ENTHD1: variants seen among roughly 807,000 people sequenced by gnomAD.
The protein encoded by ENTHD1 is ENTH domain-containing protein 1.
ENTHD1 carries 23 observed loss-of-function variants against 39.1 expected under a neutral mutation model. The observed-to-expected ratio is 0.59, with a 90% confidence interval of 0.42 to 0.83. The LOEUF is 0.83. Among genes scored for constraint, ENTHD1 ranks in the 40% least tolerant of loss-of-function variants. The pLI is 0.00. For missense variants in ENTHD1, 624 were observed against 705.4 expected, an observed-to-expected ratio of 0.88 and a Z score of 1.31; for synonymous variants, 230 against 258.2, an observed-to-expected ratio of 0.89 and a Z score of 1.05.
At position 39,779,728 on chromosome 22, in the gene ENTHD1, A is replaced by G. The variant is rs574402219; in HGVS notation, c.833-14119T>C. Among the ~76,000 whole-genome samples, 19 of 152,346 alleles carry G rather than the reference A, an allele frequency of 1.2e-4. No individual in the cohort carries two copies. The South Asian group carries it at 3.7e-3, about 30-fold the overall frequency. On this transcript the variant is annotated intron_variant, in intron 5 of 6. Transcript: ENST00000325157. ...ATAATAGCTATTGCCATCTGCTAAG[A>G]GATGGGTAATATAAAATATGTAAAT...
chr22:39,886,971 T>A (rs1036597969), intron 2 of ENTHD1, among the ~76,000 whole-genome samples: 2 of 152,318 alleles, frequency 1.3e-5, no homozygotes, highest in Non-Finnish European at 2.9e-5. Flanking sequence ...CTTTTTTCAT[T>A]TTCTATGAGG....
chr22:39,858,632 A>G (rs754657657), intron 3 of ENTHD1, among the ~76,000 whole-genome samples: 3 of 152,218 alleles, frequency 2.0e-5, no homozygotes, highest in Non-Finnish European at 1.5e-5. Context: ...GAAAGTTGAA[A>G]TCACTCCTTG....
At position 39,824,201 on chromosome 22, in the gene ENTHD1, CTTTTTTTTTTT is replaced by C. The variant is rs71197195; in HGVS notation, c.712-3099_712-3089del. 2.2e-4 allele frequency among the ~76,000 whole-genome samples: 16 copies of C among 71,446 alleles called. No individual in the cohort carries two copies. The Admixed American group carries it at 3.0e-3, about 13-fold the overall frequency. The allele number at this position is 71,446 out of a possible 152,430, so 46.9% of individuals were successfully genotyped here. A position where few individuals can be genotyped will look rare whatever the true frequency, so the allele number is the denominator to read the frequency against. ...TTAGGGATCATGCTTTTGTCCAGTT[CTTTTTTTTTTT>C]TTTTTTTTTTTTTTTGAGACAGAGT... On this transcript the variant is annotated intron_variant, in intron 4 of 6. Transcript: ENST00000325157.
At chr22:39,882,008 A>G (rs2066342552) in intron 2 of ENTHD1, among the ~76,000 whole-genome samples, 1 of 152,188 alleles carries the variant, frequency 6.6e-6, no homozygotes, top group Admixed American at 6.5e-5. Context: ...ACTCGGACCA[A>G]ATAATTTCTC....
At chr22:39,777,545 T>A (rs1219525137) in intron 5 of ENTHD1, among the ~76,000 whole-genome samples, 1 of 152,184 alleles carries the variant, frequency 6.6e-6, no homozygotes, top group East Asian at 1.9e-4. Context: ...CACCATTTAC[T>A]ACCACTTCAA....
chr22:39,844,776 A>G (rs941433526), intron 3 of ENTHD1, among the ~76,000 whole-genome samples: 9 of 152,204 alleles, frequency 5.9e-5, no homozygotes, highest in African/African-American at 2.2e-4. Context: ...TGAATGGAGA[A>G]TGCTTTCTTC....
intron 4 of ENTHD1, among the ~76,000 whole-genome samples, chr22:39,832,016 A>G (rs995543577): frequency 1.3e-5 from 2 of 152,128 alleles, no homozygotes; most frequent in African/African-American, 2.4e-5. Context: ...TGAAAAATAG[A>G]GTTATTGAAA....
chr22:39,854,644 G>A (rs921049696), intron 3 of ENTHD1, among the ~76,000 whole-genome samples: 7 of 151,158 alleles, frequency 4.6e-5, no homozygotes, highest in African/African-American at 9.7e-5. Context: ...CAAAAGCATC[G>A]AAACAAAAAC....
At chr22:39,807,571 G>T (rs890491052) in intron 5 of ENTHD1, among the ~76,000 whole-genome samples, 20 of 151,248 alleles carry the variant, frequency 1.3e-4, no homozygotes, top group African/African-American at 4.9e-4. Context: ...CTCCCAACTG[G>T]CCAAGTCTCT....
intron 6 of ENTHD1, among the ~76,000 whole-genome samples, chr22:39,759,400 T>C (rs774272246): frequency 6.6e-6 from 1 of 152,162 alleles, no homozygotes; most frequent in Non-Finnish European, 1.5e-5. Context: ...TCTATTGCCA[T>C]AATGTTGTTC....
chr22:39,769,699 A>G (rs1377204973), intron 5 of ENTHD1, among the ~76,000 whole-genome samples: 1 of 152,184 alleles, frequency 6.6e-6, no homozygotes, highest in African/African-American at 2.4e-5. Context: ...CATCAACAGT[A>G]CCATCTACAA....
intron 3 of ENTHD1, among the ~76,000 whole-genome samples, chr22:39,838,227 T>A (rs1361280748): frequency 6.6e-6 from 1 of 152,162 alleles, no homozygotes; most frequent in South Asian, 2.1e-4. Flanking sequence ...TAGTATGAAT[T>A]TTTTTGGTAT....
intron 2 of ENTHD1, among the ~76,000 whole-genome samples, chr22:39,862,278 G>A (rs1056257150): frequency 4.6e-5 from 7 of 151,748 alleles, no homozygotes; most frequent in African/African-American, 1.2e-4. Context: ...GGCTGGGTGC[G>A]GTGGCTCATG....
chr22:39,780,799 C>T lies in ENTHD1; in HGVS notation c.833-15190G>A, dbSNP rs147629093. Reference sequence around the variant, plus strand: ...ACATCATGAGGTCAGGAGATTGAGACCATGCTGGCTAACACAGTGAAACCC... The same window carrying T: ...ACATCATGAGGTCAGGAGATTGAGATCATGCTGGCTAACACAGTGAAACCC... On this transcript the variant is annotated intron_variant, in intron 5 of 6. Transcript: ENST00000325157. Among the ~76,000 whole-genome samples, 314 of 152,206 alleles carry T rather than the reference C, an allele frequency of 2.1e-3. 2 individuals are homozygous for T. Among genetic ancestry groups the T allele is most frequent in the African/African-American group, 7.1e-3 (296 of 41,530 alleles).
At chr22:39,852,647 A>G (rs1412385579) in intron 3 of ENTHD1, among the ~76,000 whole-genome samples, 1 of 152,212 alleles carries the variant, frequency 6.6e-6, no homozygotes, top group Non-Finnish European at 1.5e-5. Flanking sequence ...CTTGTATAGC[A>G]TATTACTGTA....
At chr22:39,849,598 T>TAA (rs1173069828) in intron 3 of ENTHD1, among the ~76,000 whole-genome samples, 4 of 152,242 alleles carry the variant, frequency 2.6e-5, no homozygotes, top group Non-Finnish European at 5.9e-5. Context: ...CATTATAACC[T>TAA]ACAGTGTACA....
intron 2 of ENTHD1, chr22:39,875,946 A>G (rs2066285943): frequency 2.5e-6 from 4 of 1,613,982 alleles, no homozygotes; most frequent in South Asian, 2.2e-5. Flanking sequence ...GTTTGCACTC[A>G]TCTTGGTTGT....
intron 5 of ENTHD1, among the ~76,000 whole-genome samples, chr22:39,787,406 A>T (rs768421471): frequency 2.0e-5 from 3 of 152,228 alleles, no homozygotes; most frequent in Non-Finnish European, 4.4e-5. Context: ...AGAGAAAAAC[A>T]ATTAAGCTTA....
rs367719406 is a variant in ENTHD1, at chr22:39,887,657, C to A, written c.92G>T (p.Gly31Val). Residue 31 changes from glycine to valine, a missense_variant, in exon 2 of 7, where the codon GGT (glycine) becomes GTT (valine). Physicochemically the swap from Gly to Val is moderately radical, Grantham distance 109. Coordinates refer to ENST00000325157, the MANE Select transcript of ENTHD1 (RefSeq NM_152512.4). Reference sequence around the variant, plus strand: ...ATCTAACATCAGAGAACTAGAGGGACCCCAAGGGTCGTTAGAAGTTGCTTC... The same window carrying A: ...ATCTAACATCAGAGAACTAGAGGGAACCCAAGGGTCGTTAGAAGTTGCTTC... ...VREATSNDPWGPSSSLMLDIS... is the reference protein window; with the variant it reads ...VREATSNDPWVPSSSLMLDIS... 1.1e-5 allele frequency: 17 copies of A among 1,610,646 alleles called. No individual in the cohort carries two copies. The South Asian group carries it at 1.9e-4, about 18-fold the overall frequency.
Sources: allele counts gnomAD v4.1 joint callset (sites outside exome capture counted in the v4.1 genomes callset), GRCh38; gene constraint gnomAD v4.1.1; transcripts MANE v1.5; gene names NCBI Gene and HGNC (gene_info 2026-07-23, HGNC 2026-07-21).